Variants in OTUD7B observed in about 807,000 individuals in gnomAD.
The protein encoded by OTUD7B is OTU deubiquitinase 7B.
In OTUD7B, 34 loss-of-function variants were observed where a neutral mutation model predicts 82.2. That is an observed-to-expected ratio of 0.41 (90% confidence interval 0.31 to 0.55). The LOEUF (loss-of-function observed/expected upper bound fraction) is 0.55. Among genes scored for constraint, OTUD7B ranks in the 20% least tolerant of loss-of-function variants. The pLI is 0.20. For missense variants in OTUD7B, 944 were observed against 1,062.1 expected, an observed-to-expected ratio of 0.89 and a Z score of 1.55; for synonymous variants, 398 against 402.7, an observed-to-expected ratio of 0.99 and a Z score of 0.14.
intron 1 of OTUD7B, among the ~76,000 whole-genome samples, chr1:149,992,447 A>G (rs1190841156): frequency 7.3e-6 from 1 of 137,700 alleles, no homozygotes; most frequent in African/African-American, 2.6e-5. Context: ...AGCTATATCT[A>G]AATTGTTTTG....
chr1:149,988,931 C>T (rs1651374177), intron 1 of OTUD7B, among the ~76,000 whole-genome samples: 2 of 152,190 alleles, frequency 1.3e-5, no homozygotes, highest in African/African-American at 4.8e-5. Context: ...TAGCAAAACA[C>T]ACTATCTCTC....
chr1:150,055,012 T>C, the OTUD7B span: 1 of 254,502 alleles, frequency 3.9e-6, no homozygotes, highest in Non-Finnish European at 7.9e-6. Flanking sequence ...AAATGGAATT[T>C]ATCCTTACAA....
Position 149,944,112 on chromosome 1 carries a change from A to T in OTUD7B, c.2277T>A (p.Leu759=). ...LEPGSHSKDG[L]HRGALLPPPY... ...GGGGTGGTAACAAGGCACCCCTGTGAAGTCCATCCTTAGAGTGGCTGCCTG... is the reference window on the plus strand; with the variant it reads ...GGGGTGGTAACAAGGCACCCCTGTGTAGTCCATCCTTAGAGTGGCTGCCTG... The change falls in exon 12 of 12, where the codon CTT becomes CTA. Residue 759 remains leucine (L), a synonymous_variant. Transcript: ENST00000581312. 6.2e-7 allele frequency: 1 copy of T among 1,614,042 alleles called. No homozygotes were observed. The highest frequency in any genetic ancestry group is 2.2e-5 in the East Asian group (1 of 44,866).
chr1:150,034,784 G>A, the OTUD7B span, among the ~76,000 whole-genome samples: 1 of 151,980 alleles, frequency 6.6e-6, no homozygotes, highest in Non-Finnish European at 1.5e-5. Context: ...GCTTTGACTT[G>A]TTCAAAATAG....
At chr1:150,017,669 T>G in the OTUD7B span, among the ~76,000 whole-genome samples, 2 of 152,114 alleles carry the variant, frequency 1.3e-5, no homozygotes, top group African/African-American at 4.8e-5. Flanking sequence ...AGGTCAGCAC[T>G]AGGAGGGAGG....
At chr1:150,019,949 C>A in the OTUD7B span, among the ~76,000 whole-genome samples, 1 of 151,504 alleles carries the variant, frequency 6.6e-6, no homozygotes, top group African/African-American at 2.4e-5. Flanking sequence ...CCAACCTGGG[C>A]AATGTAGTGA....
intron 1 of OTUD7B, among the ~76,000 whole-genome samples, chr1:149,998,844 C>T (rs1652084474): frequency 6.6e-6 from 1 of 152,148 alleles, no homozygotes; most frequent in South Asian, 2.1e-4. Flanking sequence ...GTCTCATTTT[C>T]CTCACCTAGA....
At chr1:150,025,216 G>A in the OTUD7B span, among the ~76,000 whole-genome samples, 19,451 of 151,948 alleles carry the variant, frequency 0.13, 1,679 homozygotes, top group East Asian at 0.33. Context: ...GAGGTCACGC[G>A]TTCGAGACCA....
upstream of OTUD7B, among the ~76,000 whole-genome samples, chr1:150,015,056 T>G (rs587608335): frequency 6.6e-6 from 1 of 152,364 alleles, no homozygotes; most frequent in Admixed American, 6.5e-5. Context: ...ATTTTGTGTA[T>G]AGTACCTAGC....
chr1:149,946,788 C>T (rs1342256260), intron 11 of OTUD7B, among the ~76,000 whole-genome samples: 1 of 143,974 alleles, frequency 6.9e-6, no homozygotes, highest in Non-Finnish European at 1.5e-5. Flanking sequence ...CGCGGTGGCT[C>T]ACACTTGTAA....
the OTUD7B span, among the ~76,000 whole-genome samples, chr1:150,046,318 C>T: frequency 6.6e-6 from 1 of 152,170 alleles, no homozygotes; most frequent in Non-Finnish European, 1.5e-5. Flanking sequence ...TGGCTAAAAC[C>T]TCCCATCTCT....
chr1:149,942,666 T>G lies in OTUD7B; in HGVS notation c.*1191A>C, dbSNP rs1553770720. The stretch of plus-strand genomic sequence containing the variant: ...ATCTCTTCTTAGAAAGTATTTTTAA[T>G]TATTTTAATAAACTAACCACAGATT... On this transcript the variant is annotated 3_prime_UTR_variant, in exon 12 of 12. Transcript: ENST00000581312. 1 of 152,672 alleles carries G rather than the reference T, an allele frequency of 6.5e-6. No individual in the cohort carries two copies. The highest frequency in any genetic ancestry group is 1.9e-4 in the East Asian group (1 of 5,202). 9.5% of individuals were successfully genotyped at this position (152,672 alleles called of 1,614,324 possible).
chr1:150,029,277 C>G, the OTUD7B span, among the ~76,000 whole-genome samples: 2 of 152,078 alleles, frequency 1.3e-5, no homozygotes, highest in East Asian at 1.9e-4. Context: ...AACAACAATC[C>G]CTACTGTGGT....
chr1:149,959,589 T>C (rs1322948922), intron 7 of OTUD7B, 95 bp downstream of exon 7: 2 of 760,480 alleles, frequency 2.6e-6, no homozygotes, highest in Non-Finnish European at 4.6e-6. Context: ...TTCCTTCTAA[T>C]ATCCTCTTAG....
At chr1:150,049,150 TA>T in the OTUD7B span, among the ~76,000 whole-genome samples, 3 of 152,176 alleles carry the variant, frequency 2.0e-5, no homozygotes, top group South Asian at 6.2e-4. Flanking sequence ...CTTAGAGGTC[TA>T]GTAAACTTAA....
upstream of OTUD7B, among the ~76,000 whole-genome samples, chr1:150,014,013 C>T (rs1653189189): frequency 7.5e-6 from 1 of 133,194 alleles, no homozygotes; most frequent in Non-Finnish European, 1.6e-5. Flanking sequence ...TATATATACA[C>T]ACACATATAT....
chr1:149,967,205 G>C, intron 4 of OTUD7B, 89 bp downstream of exon 4: 2 of 831,316 alleles, frequency 2.4e-6, no homozygotes, highest in Non-Finnish European at 3.9e-6. Flanking sequence ...ACTTAAACTG[G>C]AAGCTAGCGA....
At chr1:150,057,109 T>C in the OTUD7B span, among the ~76,000 whole-genome samples, 3 of 152,166 alleles carry the variant, frequency 2.0e-5, no homozygotes, top group African/African-American at 7.2e-5. Context: ...GAAGGCTACA[T>C]CACTTTTTTG....
chr1:149,958,154 A>G (rs1648845529), intron 7 of OTUD7B, among the ~76,000 whole-genome samples: 1 of 152,064 alleles, frequency 6.6e-6, no homozygotes, highest in African/African-American at 2.4e-5. Flanking sequence ...CTATTTGGCC[A>G]TCTTCAACAC....
Sources: gnomAD v4.1 joint callset for allele counts (sites outside exome capture counted in the v4.1 genomes callset) on GRCh38, gnomAD v4.1.1 for gene constraint, MANE v1.5 for transcripts, NCBI Gene and HGNC (gene_info 2026-07-23, HGNC 2026-07-21) for gene names.